The following MARCO variants were observed in gnomAD, a reference collection of about 807,000 sequenced individuals.
MARCO encodes macrophage receptor with collagenous structure.
MARCO carries 72 observed loss-of-function variants against 70.0 expected under a neutral mutation model. That is an observed-to-expected ratio of 1.03 (90% CI 0.85 to 1.25). MARCO has a LOEUF of 1.25. Ranked by LOEUF, MARCO falls within the 50% of genes most tolerant of loss-of-function variation. MARCO has a pLI of 0.00. For synonymous variants in MARCO, 273 were observed against 243.1 expected (o/e 1.12, Z -1.14); for missense variants, 696 against 659.3 (o/e 1.06, Z -0.61).
chr2:118,948,299 A>G (rs188881374), intron 1 of MARCO, among the ~76,000 whole-genome samples: 93 of 152,382 alleles, frequency 6.1e-4, no homozygotes, highest in African/African-American at 2.2e-3. Flanking sequence ...TGTGTCCTGC[A>G]TCTATTGGCT....
intron 1 of MARCO, among the ~76,000 whole-genome samples, chr2:118,962,044 T>C (rs2104566143): frequency 6.6e-6 from 1 of 152,314 alleles, no homozygotes; most frequent in Admixed American, 6.5e-5. Flanking sequence ...TGCGGTCTTA[T>C]TGCTGAGTTG....
At chr2:118,981,804 G>T in intron 10 of MARCO, 148 bp downstream of exon 10, 1 of 856,780 alleles carries the variant, frequency 1.2e-6, no homozygotes, top group Non-Finnish European at 1.9e-6. Context: ...CTGGCCAAGA[G>T]GAACAGAGCA....
rs751481921 is a variant in MARCO at position 118,993,298 on chromosome 2, C to A, written c.1427C>A (p.Ala476Asp). ...SKGRALYKVG[A>D]GTGQIWLDNV... ...GGAAGGGCCCTGTACAAAGTGGGAGCTGGTAAGTGAGTCATCAGCCGGGGG... is the reference window on the plus strand; with the variant it reads ...GGAAGGGCCCTGTACAAAGTGGGAGATGGTAAGTGAGTCATCAGCCGGGGG... The change falls in exon 16 of 17, where the codon GCT (alanine) becomes GAT (aspartate). Residue 476 changes from alanine (A) to aspartate (D), a missense_variant and splice_region_variant. Ala to Asp is a moderately radical substitution (Grantham distance 126). Around this residue, in one of 3 missense-constraint regions of MARCO, gnomAD observed 58 missense variants for 62.1 expected, o/e 0.93. Coordinates refer to ENST00000327097, the MANE Select transcript of MARCO (RefSeq NM_006770.4). 3.1e-6 allele frequency: 5 copies of A among 1,613,852 alleles called. No individual in the cohort carries two copies. The highest frequency in any genetic ancestry group is 1.3e-5 in the African/African-American group (1 of 74,880).
chr2:118,985,702 A>G (rs1393932890), intron 12 of MARCO, among the ~76,000 whole-genome samples: 8 of 152,210 alleles, frequency 5.3e-5, no homozygotes, highest in Non-Finnish European at 8.8e-5. Flanking sequence ...AATAATATTT[A>G]TTTAGAAATA....
chr2:118,954,557 C>T (rs1412125042), intron 1 of MARCO, among the ~76,000 whole-genome samples: 1 of 152,184 alleles, frequency 6.6e-6, no homozygotes, highest in African/African-American at 2.4e-5. Context: ...AGTCCCCCTC[C>T]ACACTACTAC....
At chr2:118,977,428 T>C in intron 6 of MARCO, 43 bp from the exon 7 acceptor site, 1 of 1,543,622 alleles carries the variant, frequency 6.5e-7, no homozygotes, top group Non-Finnish European at 9.0e-7. Context: ...ATTTTAGACA[T>C]TCTCAGGCCA....
intron 15 of MARCO, 120 bp downstream of exon 15, chr2:118,992,596 T>C (rs900388085): frequency 2.3e-6 from 2 of 853,682 alleles, no homozygotes; most frequent in Admixed American, 2.1e-5. Flanking sequence ...TGGGGAGGAG[T>C]TGAGGGTCTA....
chr2:118,983,774 T>A (rs1262718053), intron 12 of MARCO, among the ~76,000 whole-genome samples: 3 of 152,036 alleles, frequency 2.0e-5, no homozygotes, highest in Non-Finnish European at 4.4e-5. Context: ...ATTGCTTTCA[T>A]CTCTCGGTTG....
intron 15 of MARCO, 162 bp from the exon 16 acceptor site, chr2:118,992,962 G>T: frequency 3.0e-6 from 2 of 660,212 alleles, no homozygotes; most frequent in Non-Finnish European, 5.2e-6. Flanking sequence ...TGCCAGGTTG[G>T]GTTGGCACTG....
At chr2:118,977,321 AGAG>A in intron 6 of MARCO, 147 bp from the exon 7 acceptor site, 5 of 518,732 alleles carry the variant, frequency 9.6e-6, no homozygotes, top group African/African-American at 3.8e-5. Context: ...TGTGAAAAAG[AGAG>A]AGAGAGAGAG....
In MARCO at chr2:118,993,219, G is replaced by A. The variant is rs770063533; in HGVS notation, c.1348G>A (p.Glu450Lys). Reference protein sequence around the residue: ...SGTWGTICDDEWQNSDAIVFC... With the variant: ...SGTWGTICDDKWQNSDAIVFC... ...TACCTGGGGGACAATTTGCGATGAC[G>A]AGTGGCAAAATTCTGATGCCATTGT... The change falls in exon 16 of 17, where the codon GAG (glutamate) becomes AAG (lysine). Residue 450 changes from glutamate (E) to lysine (K), a missense_variant. Glu to Lys is a moderately conservative substitution (Grantham distance 56). This residue lies in a region of MARCO where 33 missense variants were observed against 59.6 expected (regional missense o/e 0.55). Transcript: ENST00000327097. The A allele has an allele frequency of 3.3e-5, 54 of 1,613,994 alleles. No homozygotes were observed. Among genetic ancestry groups the A allele is most frequent in the Middle Eastern group, 1.6e-4 (1 of 6,082 alleles).
At chr2:118,976,179 C>T (rs920805749) in intron 6 of MARCO, among the ~76,000 whole-genome samples, 2 of 152,214 alleles carry the variant, frequency 1.3e-5, no homozygotes, top group African/African-American at 4.8e-5. Flanking sequence ...ATCACACAGC[C>T]TTGACAGAGG....
intron 6 of MARCO, among the ~76,000 whole-genome samples, chr2:118,974,897 C>T (rs1443354384): frequency 6.6e-6 from 1 of 152,162 alleles, no homozygotes; most frequent in East Asian, 1.9e-4. Flanking sequence ...CTTGGTCCAA[C>T]AAGGACTCTG....
chr2:118,991,782 G>A lies in MARCO; in HGVS notation c.1114G>A (p.Ala372Thr), dbSNP rs759612570. 1.3e-6 allele frequency: 2 copies of A among 1,580,658 alleles called. No individual in the cohort carries two copies. Among genetic ancestry groups the A allele is most frequent in the African/African-American group, 1.3e-5 (1 of 74,498 alleles). Residue 372 changes from alanine (A) to threonine (T), a missense_variant, in exon 14 of 17, where the codon GCA becomes ACA. By Grantham distance (58) the Ala-to-Thr change is moderately conservative. This residue lies in a region of MARCO where 605 missense variants were observed against 537.6 expected (regional missense o/e 1.13). Coordinates refer to ENST00000327097, the MANE Select transcript of MARCO (RefSeq NM_006770.4). The stretch of plus-strand genomic sequence containing the variant: ...GGCAGTGTCTCTCCTTCCAGGCCCT[G>A]CAGGTGTGAAGGGAGAACAGGGGAG... Reference protein sequence around the residue: ...RKGESGVPGPAGVKGEQGSPG... With the variant: ...RKGESGVPGPTGVKGEQGSPG...
At chr2:118,963,347 T>C (rs889940584) in intron 1 of MARCO, among the ~76,000 whole-genome samples, 1 of 152,006 alleles carries the variant, frequency 6.6e-6, no homozygotes, top group Non-Finnish European at 1.5e-5. Context: ...TAATGACCCA[T>C]GCATTATATA....
intron 1 of MARCO, among the ~76,000 whole-genome samples, chr2:118,945,614 T>C (rs771878954): frequency 6.6e-6 from 1 of 151,988 alleles, no homozygotes; most frequent in Non-Finnish European, 1.5e-5. Context: ...GGTTTCACCA[T>C]GTTGGCCAAG....
intron 1 of MARCO, among the ~76,000 whole-genome samples, chr2:118,964,932 G>A (rs1450497660): frequency 6.7e-6 from 1 of 148,762 alleles, no homozygotes; most frequent in African/African-American, 2.5e-5. Context: ...TGTGCCATTT[G>A]TCTCTGGCTG....
intron 1 of MARCO, among the ~76,000 whole-genome samples, chr2:118,965,425 AT>A (rs1445612719): frequency 6.6e-6 from 1 of 151,838 alleles, no homozygotes. Flanking sequence ...ATGTTGTACT[AT>A]TTTGGTGAGC....
At chr2:118,987,560 C>T (rs904648933) in intron 12 of MARCO, among the ~76,000 whole-genome samples, 8 of 152,100 alleles carry the variant, frequency 5.3e-5, no homozygotes, top group East Asian at 1.9e-4. Flanking sequence ...GATTCAGATG[C>T]GAGAGGGGCT....
Sources: allele counts gnomAD v4.1 joint callset (sites outside exome capture counted in the v4.1 genomes callset), GRCh38; gene constraint gnomAD v4.1.1; regional missense constraint gnomAD v4.1.1; transcripts MANE v1.5; gene names NCBI Gene and HGNC (gene_info 2026-07-23, HGNC 2026-07-21).